The following PRLR variants were observed in gnomAD, a reference collection of about 807,000 sequenced individuals.
The protein encoded by PRLR is prolactin receptor.
Under a neutral mutation model 40.2 loss-of-function variants are expected in PRLR, and 13 were observed. The observed-to-expected ratio is 0.32, with a 90% CI of 0.21 to 0.51. The LOEUF (loss-of-function observed/expected upper bound fraction) is 0.51, where lower values mean the gene tolerates loss of function less well. Among genes scored for constraint, PRLR ranks in the 20% least tolerant of loss-of-function variants. PRLR has a pLI of 0.97. For missense variants in PRLR, 656 were observed against 747.3 expected (o/e 0.88, Z 1.42); for synonymous variants, 269 against 278.7 (o/e 0.97, Z 0.35).
intron 2 of PRLR, among the ~76,000 whole-genome samples, chr5:35,101,038 C>A (rs2112510826): frequency 6.6e-6 from 1 of 152,318 alleles, no homozygotes; most frequent in East Asian, 1.9e-4. Flanking sequence ...CAGATGGTAA[C>A]TACTACATTT....
chr5:35,164,717 T>C (rs1354775819), intron 1 of PRLR, among the ~76,000 whole-genome samples: 1 of 151,964 alleles, frequency 6.6e-6, no homozygotes, highest in Admixed American at 6.6e-5. Flanking sequence ...GTGTGTACAA[T>C]GAAATGGAGA....
chr5:35,226,928 G>T (rs901501261), intron 1 of PRLR, among the ~76,000 whole-genome samples: 4 of 152,240 alleles, frequency 2.6e-5, no homozygotes, highest in Admixed American at 6.5e-5. Context: ...GCAAATGCTT[G>T]TCGAATAAAT....
intron 1 of PRLR, among the ~76,000 whole-genome samples, chr5:35,207,777 C>T (rs192292231): frequency 6.6e-6 from 1 of 152,266 alleles, no homozygotes; most frequent in East Asian, 1.9e-4. Context: ...CATGCATATA[C>T]ACACACGTAT....
At chr5:35,140,128 T>C (rs1267202135) in intron 1 of PRLR, among the ~76,000 whole-genome samples, 2 of 152,184 alleles carry the variant, frequency 1.3e-5, no homozygotes, top group Non-Finnish European at 2.9e-5. Flanking sequence ...ACTCAAGATC[T>C]GAGTGAAAAG....
At position 35,118,034 on chromosome 5, in the gene PRLR, A is replaced by AGG. The variant is rs567461944; in HGVS notation, c.-44+25_-44+26dup. The AGG allele has an allele frequency of 1.3e-5, 13 of 976,414 alleles. No individual in the cohort carries two copies. In the African/African-American group the frequency reaches 2.3e-4, roughly 17 times the overall value. The allele number at this position is 976,414 out of a possible 1,614,324, so 60.5% of individuals were successfully genotyped here. ...GTGGGGCAGATGGGTGGTGTGACCG[A>AGG]GGGGCATGAGAACAAGTCCCCCTTA... On this transcript the variant is annotated intron_variant, in intron 2 of 9. Transcript: ENST00000618457.
Position 35,218,641 on chromosome 5 carries a change from T to C in PRLR, c.-106+11627A>G, listed in dbSNP as rs16872885. On this transcript the variant is annotated intron_variant, in intron 1 of 9. Coordinates refer to ENST00000618457, the MANE Select transcript of PRLR (RefSeq NM_000949.7). ...GAGAAGACATTTTTGAAGGTAGATA[T>C]GCAGTGAAAAGCAGAGAAGACAGAA... Among the ~76,000 whole-genome samples, 19 of 152,282 alleles carry C rather than the reference T, an allele frequency of 1.2e-4. 1 individual carries two copies. The South Asian group carries it at 3.5e-3, about 28-fold the overall frequency.
chr5:35,225,602 A>G lies in PRLR; in HGVS notation c.-106+4666T>C, dbSNP rs537758534. 1.8e-4 allele frequency among the ~76,000 whole-genome samples: 28 copies of G among 152,380 alleles called. No homozygotes were observed. In the South Asian group the frequency reaches 2.3e-3, roughly 12 times the overall value. On this transcript the variant is annotated intron_variant, in intron 1 of 9. Transcript: ENST00000618457. ...AAGGAAAAAGGTTAAATTAATTTTA[A>G]TATATTTTATTTAAACTAGTATACC...
chr5:35,086,713 T>TCC (rs1438244823), intron 3 of PRLR, among the ~76,000 whole-genome samples: 4 of 151,888 alleles, frequency 2.6e-5, no homozygotes, highest in African/African-American at 9.7e-5. Context: ...CCTTTTGTAA[T>TCC]CCCACAAGGT....
At chr5:35,169,976 A>C (rs1157414205) in intron 1 of PRLR, among the ~76,000 whole-genome samples, 1 of 152,154 alleles carries the variant, frequency 6.6e-6, no homozygotes, top group Admixed American at 6.5e-5. Context: ...TCTGTGATGG[A>C]GGGAGTATTT....
At chr5:35,089,064 T>C (rs913422329) in intron 3 of PRLR, among the ~76,000 whole-genome samples, 1 of 152,234 alleles carries the variant, frequency 6.6e-6, no homozygotes, top group African/African-American at 2.4e-5. Context: ...GGACTTCATT[T>C]CTCCTGTTAG....
chr5:35,102,121 C>A (rs1771922394), intron 2 of PRLR, among the ~76,000 whole-genome samples: 1 of 152,092 alleles, frequency 6.6e-6, no homozygotes, highest in South Asian at 2.1e-4. Flanking sequence ...AGCCACCACG[C>A]CCGGCCAAAC....
chr5:35,069,862 G>C (rs1296075803), intron 7 of PRLR, among the ~76,000 whole-genome samples: 3 of 152,198 alleles, frequency 2.0e-5, no homozygotes, highest in African/African-American at 7.2e-5. Flanking sequence ...AAGATGGTGG[G>C]AGCATAATAA....
At chr5:35,076,180 G>A (rs573438912) in intron 5 of PRLR, among the ~76,000 whole-genome samples, 1 of 152,316 alleles carries the variant, frequency 6.6e-6, no homozygotes, top group East Asian at 1.9e-4. Flanking sequence ...AAACAAAGCT[G>A]GACGGAGAAT....
intron 3 of PRLR, among the ~76,000 whole-genome samples, chr5:35,089,268 G>T (rs189415230): frequency 1.3e-5 from 2 of 152,308 alleles, no homozygotes; most frequent in East Asian, 3.9e-4. Context: ...CTAGAAACTG[G>T]CAGGACCTGG....
intron 2 of PRLR, among the ~76,000 whole-genome samples, chr5:35,117,414 A>G (rs1773089959): frequency 6.6e-6 from 1 of 152,202 alleles, no homozygotes; most frequent in Non-Finnish European, 1.5e-5. Context: ...AGCTCATCTC[A>G]GTGGGTCCAG....
chr5:35,210,653 GT>G (rs1230930533), intron 1 of PRLR, among the ~76,000 whole-genome samples: 2 of 152,152 alleles, frequency 1.3e-5, no homozygotes, highest in Non-Finnish European at 2.9e-5. Context: ...AAAGAATGTG[GT>G]TTGTGTAAAC....
At chr5:35,136,429 C>T (rs185125695) in intron 1 of PRLR, among the ~76,000 whole-genome samples, 1 of 152,278 alleles carries the variant, frequency 6.6e-6, no homozygotes, top group African/African-American at 2.4e-5. Flanking sequence ...CTAGCAGCAT[C>T]CATGGAGTCT....
In PRLR at chr5:35,159,779, C is replaced by T. The variant is rs376866707; in HGVS notation, c.-105-41657G>A. Reference sequence around the variant, plus strand: ...AGCAAAATTTATACTTTCTTTTGCCCTCTGTTATCAAGTGCAACCCAAGCC... The same window carrying T: ...AGCAAAATTTATACTTTCTTTTGCCTTCTGTTATCAAGTGCAACCCAAGCC... On this transcript the variant is annotated intron_variant, in intron 1 of 9. Coordinates refer to ENST00000618457, the MANE Select transcript of PRLR (RefSeq NM_000949.7). Among the ~76,000 whole-genome samples, 112 of 152,184 alleles carry T rather than the reference C, an allele frequency of 7.4e-4. 1 individual carries two copies. Among genetic ancestry groups the T allele is most frequent in the African/African-American group, 2.5e-3 (104 of 41,528 alleles).
intron 2 of PRLR, among the ~76,000 whole-genome samples, chr5:35,103,311 T>C (rs1772015502): frequency 6.6e-6 from 1 of 152,212 alleles, no homozygotes; most frequent in Admixed American, 6.5e-5. Flanking sequence ...GCTCTCTCTT[T>C]TTCTTAATAA....
Sources: gnomAD v4.1 joint callset for allele counts (sites outside exome capture counted in the v4.1 genomes callset) on GRCh38, gnomAD v4.1.1 for gene constraint, MANE v1.5 for transcripts, NCBI Gene and HGNC (gene_info 2026-07-23, HGNC 2026-07-21) for gene names.